Variants in DET1 observed in about 807,000 individuals in gnomAD.
The protein encoded by DET1 is DET1 homolog.
DET1 carries 22 observed loss-of-function variants against 43.7 expected under a neutral mutation model. That is an observed-to-expected ratio of 0.50 (90% confidence interval 0.36 to 0.72). The LOEUF (loss-of-function observed/expected upper bound fraction) is 0.72. Among genes scored for constraint, DET1 ranks in the 30% least tolerant of loss-of-function variants. DET1 has a pLI of 0.00. For missense variants in DET1, 713 were observed against 713.3 expected (o/e 1.00, Z 0.00); for synonymous variants, 315 against 266.2 (o/e 1.18, Z -1.79).
intron 1 of DET1, among the ~76,000 whole-genome samples, chr15:88,544,489 A>C (rs1257837092): frequency 6.6e-6 from 1 of 152,214 alleles, no homozygotes; most frequent in Non-Finnish European, 1.5e-5. Context: ...GGTACAAGAT[A>C]TCACCCTGCC....
intron 3 of DET1, among the ~76,000 whole-genome samples, chr15:88,517,955 G>A (rs138909671): frequency 6.6e-6 from 1 of 151,802 alleles, no homozygotes; most frequent in Admixed American, 6.6e-5. Context: ...TTTATTTTTT[G>A]AGACAGGGTC....
rs2056337506 is a variant in DET1 at position 88,516,079 on chromosome 15, T to C, written c.1463+703A>G. On this transcript the variant is annotated intron_variant, in intron 4 of 4. Coordinates refer to ENST00000268148, the MANE Select transcript of DET1 (RefSeq NM_001144074.3). This position sits in a 1 kb window ranked among gnomAD's most constrained non-coding sequence, Gnocchi z 4.4. The stretch of plus-strand genomic sequence containing the variant: ...ATGAAATATATCTATCATAAAGATC[T>C]AACTACCACTGTTTCTGTGTGAAAA... Among the ~76,000 whole-genome samples the C allele has an allele frequency of 6.6e-6, 1 of 152,222 alleles. No homozygotes were observed. The highest frequency in any genetic ancestry group is 1.5e-5 in the Non-Finnish European group (1 of 68,048).
chr15:88,518,766 T>A (rs1030960896), intron 3 of DET1, among the ~76,000 whole-genome samples: 1 of 152,314 alleles, frequency 6.6e-6, no homozygotes, highest in East Asian at 1.9e-4. Flanking sequence ...AAAACTTCAG[T>A]GTTCCTAACT....
chr15:88,531,352 G>A lies in DET1; in HGVS notation c.354C>T (p.Gly118=), dbSNP rs1208121882. Residue 118 remains glycine, a synonymous_variant, in exon 2 of 5, where the codon GGC becomes GGT. Coordinates refer to ENST00000268148, the MANE Select transcript of DET1 (RefSeq NM_001144074.3). This position sits in a 1 kb window ranked among gnomAD's most constrained non-coding sequence, Gnocchi z 6.2. ...GGACAAAAAAGCGTTCAAAGAGCCG[G>A]CCCCGGATATTCACTGACCGCTGGT... ...GNDQRSVNIR[G]RLFERFFVLL... 3 of 1,614,002 alleles carry A rather than the reference G, an allele frequency of 1.9e-6. No homozygotes were observed. Among genetic ancestry groups the A allele is most frequent in the East Asian group, 4.5e-5 (2 of 44,880 alleles).
chr15:88,518,399 T>A (rs2056404530), intron 3 of DET1, among the ~76,000 whole-genome samples: 2 of 152,156 alleles, frequency 1.3e-5, no homozygotes, highest in Non-Finnish European at 2.9e-5. Flanking sequence ...AACTACCATT[T>A]TCAAAGATTA....
At chr15:88,523,564 C>T (rs1221630844) in intron 3 of DET1, among the ~76,000 whole-genome samples, 2 of 152,182 alleles carry the variant, frequency 1.3e-5, no homozygotes, top group Non-Finnish European at 2.9e-5. Flanking sequence ...CTCAGTCTAC[C>T]GAGTGCCTGG....
rs1361962019 is a variant in DET1 at position 88,530,650 on chromosome 15, T to G, written c.1056A>C (p.Val352=). The G allele has an allele frequency of 1.2e-6, 2 of 1,611,866 alleles. No homozygotes were observed. The highest frequency in any genetic ancestry group is 3.3e-5 in the Admixed American group (2 of 59,864). Reference sequence around the variant, plus strand: ...GTGATGGATCTGTGACTCGCAGTGTTACTACATCCTCACTAGTGTACTTGA... The same window carrying G: ...GTGATGGATCTGTGACTCGCAGTGTGACTACATCCTCACTAGTGTACTTGA... ...LFIKYTSEDV[V]TLRVTDPSQA... The change falls in exon 2 of 5, where the codon GTA becomes GTC. Residue 352 remains valine, a synonymous_variant. Coordinates refer to ENST00000268148, the MANE Select transcript of DET1 (RefSeq NM_001144074.3).
intron 8 of DET1, chr15:88,502,979 A>G (rs1670345983): frequency 2.0e-5 from 3 of 152,286 alleles, no homozygotes; most frequent in Non-Finnish European, 4.4e-5. Flanking sequence ...TAGTGTTAAG[A>G]AGGAGAAAGA....
intron 1 of DET1, among the ~76,000 whole-genome samples, chr15:88,534,093 G>A (rs1470562275): frequency 6.6e-6 from 1 of 152,068 alleles, no homozygotes; most frequent in African/African-American, 2.4e-5. Context: ...AATCAGTTAA[G>A]ACGGTAAATG....
intron 1 of DET1, among the ~76,000 whole-genome samples, chr15:88,540,648 T>C (rs1020090364): frequency 2.7e-5 from 4 of 150,460 alleles, no homozygotes; most frequent in African/African-American, 9.9e-5. Context: ...AGAAAAATTC[T>C]TCTGCCTTGA....
intron 1 of DET1, among the ~76,000 whole-genome samples, chr15:88,545,110 C>T (rs898017687): frequency 6.6e-5 from 10 of 152,276 alleles, no homozygotes; most frequent in Non-Finnish European, 1.5e-4. Flanking sequence ...TAGCCACCTA[C>T]TCTGGGGGAT....
chr15:88,545,419 A>T (rs969862011), intron 1 of DET1, among the ~76,000 whole-genome samples: 1 of 152,194 alleles, frequency 6.6e-6, no homozygotes, highest in Non-Finnish European at 1.5e-5. Flanking sequence ...ATTCTTAGTC[A>T]TAAAAGATAC....
chr15:88,506,543 G>C (rs1181011959), intron 7 of DET1, among the ~76,000 whole-genome samples: 2 of 142,870 alleles, frequency 1.4e-5, no homozygotes, highest in African/African-American at 5.3e-5. Flanking sequence ...ATGCTCAATT[G>C]CTTTCAAAGC....
rs553648967 is a variant in DET1, at chr15:88,522,671, G to T, written c.1271+4928C>A. 7.3e-5 allele frequency among the ~76,000 whole-genome samples: 11 copies of T among 151,312 alleles called. No individual in the cohort carries two copies. The East Asian group carries it at 2.1e-3, about 29-fold the overall frequency. On this transcript the variant is annotated intron_variant, in intron 3 of 4. Coordinates refer to ENST00000268148, the MANE Select transcript of DET1 (RefSeq NM_001144074.3). Reference sequence around the variant, plus strand: ...CTACAGGCGCCCGCCATCACACACGGCTAATTTTTTTTGTATTTTTTTTTA... The same window carrying T: ...CTACAGGCGCCCGCCATCACACACGTCTAATTTTTTTTGTATTTTTTTTTA...
At chr15:88,514,678 C>CA (rs1405048656) in intron 4 of DET1, among the ~76,000 whole-genome samples, 1 of 152,118 alleles carries the variant, frequency 6.6e-6, no homozygotes, top group South Asian at 2.1e-4. Context: ...AAACAGACTA[C>CA]AAAAAATGAT....
At chr15:88,525,827 A>ATTTTTTTTTT (rs10658727) in intron 3 of DET1, among the ~76,000 whole-genome samples, 21 of 90,672 alleles carry the variant, frequency 2.3e-4, no homozygotes, top group Non-Finnish European at 3.2e-4. Context: ...ACACTCGGCT[A>ATTTTTTTTTT]TTTTTTTTTT....
chr15:88,525,848 T>G lies in DET1; in HGVS notation c.1271+1751A>C, dbSNP rs556682984. 4.2e-4 allele frequency among the ~76,000 whole-genome samples: 58 copies of G among 138,094 alleles called. No homozygotes were observed. In the East Asian group the frequency reaches 0.011, roughly 27 times the overall value. 90.6% of individuals were successfully genotyped at this position (138,094 alleles called of 152,430 possible). On this transcript the variant is annotated intron_variant, in intron 3 of 4. Coordinates refer to ENST00000268148, the MANE Select transcript of DET1 (RefSeq NM_001144074.3). Reference sequence around the variant, plus strand: ...GGCTATTTTTTTTTTTTTTTTTTTTTGCATTTTTTGTAAAGATAGGGTTTT... The same window carrying G: ...GGCTATTTTTTTTTTTTTTTTTTTTGGCATTTTTTGTAAAGATAGGGTTTT...
In DET1 at chr15:88,538,711, G is replaced by A. The variant is rs1402929823; in HGVS notation, c.-10-6996C>T. On this transcript the variant is annotated intron_variant, in intron 1 of 4. Transcript: ENST00000268148. ...GGTCTTGCTCCGGGCTCCCCCGGAA[G>A]GACGGCCGGCTCAGAGGGGGTTACC... Among the ~76,000 whole-genome samples the A allele has an allele frequency of 2.0e-5, 3 of 152,320 alleles. No homozygotes were observed. In the East Asian group the frequency reaches 5.8e-4, roughly 29 times the overall value.
intron 4 of DET1, among the ~76,000 whole-genome samples, chr15:88,514,041 C>T (rs1273658205): frequency 2.0e-5 from 3 of 149,700 alleles, no homozygotes; most frequent in East Asian, 3.9e-4. Flanking sequence ...CCTCGTGATC[C>T]GCCCGCCTCG....
Sources: allele counts gnomAD v4.1 joint callset (sites outside exome capture counted in the v4.1 genomes callset), GRCh38; gene constraint gnomAD v4.1.1; non-coding constraint Gnocchi (gnomAD v3.1); transcripts MANE v1.5; gene names NCBI Gene and HGNC (gene_info 2026-07-23, HGNC 2026-07-21).